The following C10orf67 variants were observed in gnomAD, a reference collection of about 807,000 sequenced individuals.
C10orf67 encodes the protein chromosome 10 open reading frame 67.
In C10orf67, 60 loss-of-function variants were observed where a neutral mutation model predicts 35.6. That is an observed-to-expected ratio of 1.68 (90% confidence interval 1.37 to 2.09). C10orf67 has a LOEUF of 2.09. Ranked by LOEUF, C10orf67 falls within the 30% of genes most tolerant of loss-of-function variation. The probability of loss-of-function intolerance (pLI) is 0.00; values close to 1 mark genes in which losing one functional copy is unlikely to be tolerated. For synonymous variants in C10orf67, 167 were observed against 115.8 expected (o/e 1.44, Z -2.84); for missense variants, 474 against 330.2 (o/e 1.44, Z -3.38).
At chr10:23,275,846 G>GTCACTT (rs1843172702) in intron 8 of C10orf67, among the ~76,000 whole-genome samples, 1 of 152,152 alleles carries the variant, frequency 6.6e-6, no homozygotes, top group African/African-American at 2.4e-5. Flanking sequence ...TTGGGCGGGA[G>GTCACTT]TCACTTTGAA....
intron 4 of C10orf67, among the ~76,000 whole-genome samples, chr10:23,316,077 CCCG>C (rs112702107): frequency 0.39 from 58,623 of 151,832 alleles, 14,169 homozygotes; most frequent in East Asian, 0.74. Context: ...GCTCATTCCA[CCCG>C]CTTGGCCGGG....
intron 15 of C10orf67, among the ~76,000 whole-genome samples, chr10:23,211,512 A>C (rs1394507245): frequency 6.6e-6 from 1 of 151,784 alleles, no homozygotes; most frequent in Non-Finnish European, 1.5e-5. Flanking sequence ...AACCCGTAAC[A>C]CACACTTTTC....
chr10:23,267,338 G>T, intron 8 of C10orf67, 84 bp from the exon 9 acceptor site: 1 of 618,642 alleles, frequency 1.6e-6, no homozygotes, highest in South Asian at 2.0e-5. Context: ...TATAAGCAAT[G>T]AAAGAGTAAC....
At chr10:23,227,541 C>T (rs1415014484) in intron 13 of C10orf67, among the ~76,000 whole-genome samples, 8 of 152,150 alleles carry the variant, frequency 5.3e-5, no homozygotes, top group Non-Finnish European at 1.0e-4. Flanking sequence ...ACAGGAATGC[C>T]TTCTCTCACC....
intron 10 of C10orf67, among the ~76,000 whole-genome samples, chr10:23,256,463 A>T (rs1001942013): frequency 3.3e-5 from 5 of 152,244 alleles, no homozygotes; most frequent in Admixed American, 3.3e-4. Context: ...GGTAACCTAA[A>T]TTCCAAAGAG....
intron 4 of C10orf67, chr10:23,318,960 A>C: frequency 1.3e-6 from 1 of 759,932 alleles, no homozygotes; most frequent in Non-Finnish European, 2.5e-6. Flanking sequence ...TAAAATGTCA[A>C]GCAAAGAAAA....
chr10:23,339,402 C>CAAA (rs34805547), intron 1 of C10orf67, among the ~76,000 whole-genome samples: 117 of 72,214 alleles, frequency 1.6e-3, no homozygotes, highest in African/African-American at 4.9e-3. Flanking sequence ...AAAAAGGCAG[C>CAAA]AAAAAAAAAA....
At chr10:23,242,265 G>C (rs1043172756) in intron 12 of C10orf67, among the ~76,000 whole-genome samples, 18 of 152,138 alleles carry the variant, frequency 1.2e-4, no homozygotes, top group African/African-American at 3.9e-4. Flanking sequence ...CACCATGCCC[G>C]GCCTACTGAC....
chr10:23,344,700 G>A lies in C10orf67; in HGVS notation c.75C>T (p.Ser25=), dbSNP rs1406170139. The stretch of plus-strand genomic sequence containing the variant: ...GTGTGCCAAAGGTCCCCCTCAAGGA[G>A]GAGGAAAAGCAGTGAACCCATCTAA... ...IVIRWVHCFS[S]SLRGTFGTRW... Residue 25 remains serine, a synonymous_variant, in exon 1 of 16, where the codon TCC becomes TCT. Transcript: ENST00000636213. 1.9e-6 allele frequency: 3 copies of A among 1,575,390 alleles called. No individual in the cohort carries two copies. Among genetic ancestry groups the A allele is most frequent in the South Asian group, 1.2e-5 (1 of 85,554 alleles).
chr10:23,257,108 G>A (rs142877319), intron 10 of C10orf67, among the ~76,000 whole-genome samples: 1 of 152,336 alleles, frequency 6.6e-6, no homozygotes, highest in East Asian at 1.9e-4. Flanking sequence ...AATGGTAATT[G>A]TCTTGGACCT....
intron 4 of C10orf67, among the ~76,000 whole-genome samples, chr10:23,308,148 T>C (rs1844356084): frequency 6.6e-6 from 1 of 152,182 alleles, no homozygotes; most frequent in Admixed American, 6.5e-5. Context: ...CAGAAACCCA[T>C]TTTAAGCCCC....
chr10:23,214,757 C>G (rs1238379733), intron 15 of C10orf67, among the ~76,000 whole-genome samples: 1 of 152,120 alleles, frequency 6.6e-6, no homozygotes, highest in Admixed American at 6.5e-5. Context: ...TGCAGTGGCT[C>G]ACGCCCGTAA....
rs769674759 is a variant in C10orf67 at position 23,344,606 on chromosome 10, G to A, written c.169C>T (p.Arg57Trp). Residue 57 changes from arginine to tryptophan, a missense_variant, in exon 1 of 16, where the codon CGG becomes TGG. Physicochemically the swap from Arg to Trp is moderately radical, Grantham distance 101 (BLOSUM62 -3). Transcript: ENST00000636213. ...VCCARRKREA[R>W]EFKPPQMRGS... ...CGCATTTGCGGGGGCTTGAATTCCC[G>A]AGCTTCTCGCTTCCTACGCGCGCAG... The A allele has an allele frequency of 1.3e-6, 2 of 1,582,290 alleles. No homozygotes were observed. Among genetic ancestry groups the A allele is most frequent in the Non-Finnish European group, 1.7e-6 (2 of 1,165,102 alleles).
intron 13 of C10orf67, among the ~76,000 whole-genome samples, chr10:23,233,273 G>C (rs1053604072): frequency 1.3e-5 from 2 of 152,298 alleles, no homozygotes; most frequent in East Asian, 1.9e-4. Context: ...ATATCCTGAT[G>C]ACATCTTTTT....
At chr10:23,269,305 T>C (rs1842960319) in intron 8 of C10orf67, among the ~76,000 whole-genome samples, 1 of 152,222 alleles carries the variant, frequency 6.6e-6, no homozygotes, top group African/African-American at 2.4e-5. Flanking sequence ...AAAGTTTCTA[T>C]ACTTTACATG....
chr10:23,340,404 C>T (rs1237063981), intron 1 of C10orf67, among the ~76,000 whole-genome samples: 1 of 151,718 alleles, frequency 6.6e-6, no homozygotes, highest in Non-Finnish European at 1.5e-5. Context: ...CCGGCGGCTC[C>T]ACCTAGTCAG....
chr10:23,324,288 C>T (rs1339395622), intron 2 of C10orf67, among the ~76,000 whole-genome samples: 1 of 151,966 alleles, frequency 6.6e-6, no homozygotes, highest in Admixed American at 6.6e-5. Context: ...TAAGCAGATG[C>T]TTCTCTACTC....
intron 5 of C10orf67, among the ~76,000 whole-genome samples, chr10:23,293,277 T>C (rs916165782): frequency 3.9e-5 from 6 of 152,180 alleles, no homozygotes; most frequent in African/African-American, 1.4e-4. Flanking sequence ...CCTCCACATA[T>C]CAAACCACAA....
At chr10:23,264,687 T>G (rs1374692446) in intron 10 of C10orf67, among the ~76,000 whole-genome samples, 1 of 152,192 alleles carries the variant, frequency 6.6e-6, no homozygotes, top group Non-Finnish European at 1.5e-5. Context: ...ATTCTAGGAT[T>G]TAGTTCCAGC....
Sources: gnomAD v4.1 joint callset for allele counts (sites outside exome capture counted in the v4.1 genomes callset) on GRCh38, gnomAD v4.1.1 for gene constraint, MANE v1.5 for transcripts, NCBI Gene and HGNC (gene_info 2026-07-23, HGNC 2026-07-21) for gene names.